Variants in SPPL3 observed in about 807,000 individuals in gnomAD.
SPPL3 encodes signal peptide peptidase-like 3.
In SPPL3, 5 loss-of-function variants were observed where a neutral mutation model predicts 42.4. The ratio of observed to expected loss-of-function variants is 0.12; its 90% confidence interval spans 0.06 to 0.25. The LOEUF (loss-of-function observed/expected upper bound fraction) is 0.25, where lower values mean the gene tolerates loss of function less well. Among genes scored for constraint, SPPL3 ranks in the 10% least tolerant of loss-of-function variants. The probability of loss-of-function intolerance (pLI) is 1.00; values close to 1 mark genes in which losing one functional copy is unlikely to be tolerated. For missense variants in SPPL3, 235 were observed against 489.0 expected, an observed-to-expected ratio of 0.48 and a Z score of 4.90; for synonymous variants, 195 against 181.8, an observed-to-expected ratio of 1.07 and a Z score of -0.58.
chr12:120,802,662 T>C (rs1370375446), intron 2 of SPPL3, among the ~76,000 whole-genome samples: 1 of 151,922 alleles, frequency 6.6e-6, no homozygotes, highest in Non-Finnish European at 1.5e-5. Flanking sequence ...TTGGAACTCC[T>C]GACCTCACGT....
intron 1 of SPPL3, among the ~76,000 whole-genome samples, chr12:120,836,451 A>C (rs996138859): frequency 2.0e-5 from 3 of 152,162 alleles, no homozygotes; most frequent in African/African-American, 7.2e-5. Flanking sequence ...CTCAACAAAA[A>C]GCCAGTACCA....
chr12:120,846,900 GGTTTCT>G (rs1872059125), intron 1 of SPPL3, among the ~76,000 whole-genome samples: 2 of 152,144 alleles, frequency 1.3e-5, no homozygotes, highest in East Asian at 3.9e-4. Context: ...GGAGTGTGGA[GGTTTCT>G]TTCAGGCCCT....
At chr12:120,768,737 T>C (rs1592952837) in intron 7 of SPPL3, 2 of 629,808 alleles carry the variant, frequency 3.2e-6, no homozygotes, top group African/African-American at 3.7e-5. Flanking sequence ...TTACCTCTTC[T>C]ATCCTAGGAG....
At chr12:120,816,052 G>A (rs918033403) in intron 1 of SPPL3, among the ~76,000 whole-genome samples, 5 of 152,088 alleles carry the variant, frequency 3.3e-5, no homozygotes, top group African/African-American at 1.2e-4. Flanking sequence ...TCAAAAACCA[G>A]CTCCTCCCTG....
intron 2 of SPPL3, among the ~76,000 whole-genome samples, chr12:120,800,331 C>T (rs1041395006): frequency 6.6e-6 from 1 of 151,914 alleles, no homozygotes; most frequent in African/African-American, 2.4e-5. Flanking sequence ...GGTGAAACCC[C>T]GTCTCTACTA....
chr12:120,832,462 G>A lies in SPPL3; in HGVS notation c.24-21576C>T, dbSNP rs148978677. On this transcript the variant is annotated intron_variant, in intron 1 of 10. Transcript: ENST00000353487. ...CAAGGTGGGCGGATCACCTGAGGTC[G>A]GGAGTTCAAGACCAGCCAGACCAAC... Among the ~76,000 whole-genome samples, 640 of 152,114 alleles carry A rather than the reference G, an allele frequency of 4.2e-3. 6 individuals are homozygous for A. Among genetic ancestry groups the A allele is most frequent in the African/African-American group, 0.014 (594 of 41,492 alleles).
intron 1 of SPPL3, among the ~76,000 whole-genome samples, chr12:120,833,214 A>G (rs555456609): frequency 2.4e-4 from 37 of 152,284 alleles, no homozygotes; most frequent in African/African-American, 7.5e-4. Flanking sequence ...AAAGGGTACA[A>G]TAAGAACGAT....
intron 2 of SPPL3, among the ~76,000 whole-genome samples, chr12:120,801,424 A>T (rs1212936003): frequency 1.1e-4 from 16 of 145,790 alleles, no homozygotes; most frequent in African/African-American, 2.0e-4. Flanking sequence ...CCATCTGGCC[A>T]TTTTTTTTTT....
chr12:120,848,556 AGTCT>A (rs939661502), intron 1 of SPPL3, among the ~76,000 whole-genome samples: 2 of 152,228 alleles, frequency 1.3e-5, no homozygotes, highest in Non-Finnish European at 2.9e-5. Context: ...AGAAAGTGCT[AGTCT>A]ATCTAACAAG....
At chr12:120,780,326 T>C (rs1042919656) in intron 6 of SPPL3, among the ~76,000 whole-genome samples, 16 of 151,084 alleles carry the variant, frequency 1.1e-4, no homozygotes, top group African/African-American at 3.4e-4. Flanking sequence ...TGTCTGGGTA[T>C]GGTGGCTTGT....
In SPPL3 at chr12:120,879,981, C is replaced by CTT. The variant is rs561660479; in HGVS notation, c.23+23862_23+23863dup. 6.8e-4 allele frequency among the ~76,000 whole-genome samples: 97 copies of CTT among 142,960 alleles called. 1 individual carries two copies. The highest frequency in any genetic ancestry group is 2.4e-3 in the African/African-American group (94 of 39,238). 93.8% of individuals were successfully genotyped at this position (142,960 alleles called of 152,430 possible). A position where few individuals can be genotyped will look rare whatever the true frequency, so the allele number is the denominator to read the frequency against. On this transcript the variant is annotated intron_variant, in intron 1 of 10. Transcript: ENST00000353487. ...CTCCACCTCTGTTCCCTGCTTTTAT[C>CTT]TTTTTTTTTTTTTCACTTTTCATTC...
intron 1 of SPPL3, among the ~76,000 whole-genome samples, chr12:120,817,457 C>T (rs1250208942): frequency 6.6e-6 from 1 of 152,150 alleles, no homozygotes; most frequent in Admixed American, 6.5e-5. Flanking sequence ...TGGTATTTTC[C>T]TCTTTTAATC....
chr12:120,792,935 GAAAAACTTA>G (rs1490315571), intron 2 of SPPL3, among the ~76,000 whole-genome samples: 2 of 151,998 alleles, frequency 1.3e-5, no homozygotes, highest in East Asian at 3.9e-4. Flanking sequence ...AAAAAACAGA[GAAAAACTTA>G]AAAAACTTAC....
At chr12:120,843,358 T>A (rs1871895630) in intron 1 of SPPL3, among the ~76,000 whole-genome samples, 2 of 152,196 alleles carry the variant, frequency 1.3e-5, no homozygotes, top group Admixed American at 1.3e-4. Context: ...CCTTGACCCA[T>A]TCATATCTAC....
chr12:120,874,751 G>A (rs1349661225), intron 1 of SPPL3, among the ~76,000 whole-genome samples: 3 of 151,944 alleles, frequency 2.0e-5, no homozygotes, highest in African/African-American at 7.3e-5. Flanking sequence ...TGGGATAGGA[G>A]AGGATGTGTG....
chr12:120,855,701 A>G (rs905321865), intron 1 of SPPL3, among the ~76,000 whole-genome samples: 11 of 152,182 alleles, frequency 7.2e-5, no homozygotes, highest in Non-Finnish European at 1.6e-4. Flanking sequence ...TCTCAAAAAA[A>G]AAAAAGAAAA....
intron 1 of SPPL3, among the ~76,000 whole-genome samples, chr12:120,812,134 A>C: frequency 6.7e-6 from 1 of 148,564 alleles, no homozygotes. Flanking sequence ...ACATAGGAGG[A>C]ACAGATTTTT....
chr12:120,867,422 T>C (rs1326727411), intron 1 of SPPL3, among the ~76,000 whole-genome samples: 1 of 152,076 alleles, frequency 6.6e-6, no homozygotes, highest in African/African-American at 2.4e-5. Context: ...ATCCCAGCAC[T>C]TTGGAAGGCC....
chr12:120,842,587 T>C (rs1871868039), intron 1 of SPPL3, among the ~76,000 whole-genome samples: 2 of 152,066 alleles, frequency 1.3e-5, no homozygotes, highest in Non-Finnish European at 2.9e-5. Flanking sequence ...AAGATTCAGG[T>C]GCCAGTAGAT....
Sources: gnomAD v4.1 joint callset for allele counts (sites outside exome capture counted in the v4.1 genomes callset) on GRCh38, gnomAD v4.1.1 for gene constraint, MANE v1.5 for transcripts, NCBI Gene and HGNC (gene_info 2026-07-23, HGNC 2026-07-21) for gene names.